THOC5: variants seen among roughly 807,000 people sequenced by gnomAD.
The protein encoded by THOC5 is Fms-interacting protein.
THOC5 carries 43 observed loss-of-function variants against 92.9 expected under a neutral mutation model. That is an observed-to-expected ratio of 0.46 (90% CI 0.36 to 0.60). THOC5 has a LOEUF of 0.60. Among genes scored for constraint, THOC5 ranks in the 20% least tolerant of loss-of-function variants. The pLI is 0.00. For missense variants in THOC5, 659 were observed against 849.4 expected, an observed-to-expected ratio of 0.78 and a Z score of 2.79; for synonymous variants, 296 against 320.1, an observed-to-expected ratio of 0.92 and a Z score of 0.80.
chr22:29,523,804 AT>A (rs766405569), intron 12 of THOC5, among the ~76,000 whole-genome samples: 26 of 152,360 alleles, frequency 1.7e-4, no homozygotes, highest in Admixed American at 2.6e-4. Flanking sequence ...CCCCCAAAAA[AT>A]ATATGAAAAA....
intron 8 of THOC5, 162 bp downstream of exon 8, chr22:29,531,669 G>C: frequency 1.4e-6 from 2 of 1,428,664 alleles, no homozygotes; most frequent in South Asian, 1.7e-5. Flanking sequence ...CAGCTGGTCA[G>C]AGCAGCCATG....
intron 12 of THOC5, among the ~76,000 whole-genome samples, chr22:29,521,640 G>C (rs969304234): frequency 4.6e-5 from 7 of 152,188 alleles, no homozygotes; most frequent in Admixed American, 2.0e-4. Context: ...CCCCCTGTAT[G>C]TTCCCAGAAA....
chr22:29,524,721 A>G (rs2063509458), intron 12 of THOC5, among the ~76,000 whole-genome samples: 2 of 152,190 alleles, frequency 1.3e-5, no homozygotes, highest in South Asian at 4.1e-4. Context: ...CAGGCACAGC[A>G]GCCAAAGCTG....
chr22:29,544,509 C>T lies in THOC5; in HGVS notation c.191G>A (p.Arg64Lys), dbSNP rs749843086. 1.9e-6 allele frequency: 3 copies of T among 1,614,096 alleles called. No homozygotes were observed. The highest frequency in any genetic ancestry group is 1.1e-5 in the South Asian group (1 of 91,066). Residue 64 changes from arginine to lysine, a missense_variant, in exon 3 of 20, where the codon AGG (arginine) becomes AAG (lysine). Arg to Lys is a conservative substitution (Grantham distance 26, BLOSUM62 2). Coordinates refer to ENST00000490103, the MANE Select transcript of THOC5 (RefSeq NM_003678.5). The stretch of plus-strand genomic sequence containing the variant: ...CAGGTCTTGGATCTCAGCCATCAGC[C>T]TCTGTAGCTCCTGGCAGGTGTACTT... ...LYKYTCQELQ[R>K]LMAEIQDLKS...
intron 6 of THOC5, among the ~76,000 whole-genome samples, chr22:29,538,567 G>A (rs1038324630): frequency 6.6e-6 from 1 of 151,998 alleles, no homozygotes; most frequent in Non-Finnish European, 1.5e-5. Context: ...GGAGGCCAAG[G>A]TGGGAGGATC....
Position 29,543,432 on chromosome 22 carries a change from G to A in THOC5, c.351C>T (p.His117=), listed in dbSNP as rs150044669. 41 of 1,609,862 alleles carry A rather than the reference G, an allele frequency of 2.5e-5. No individual in the cohort carries two copies. Among genetic ancestry groups the A allele is most frequent in the Admixed American group, 6.7e-5 (4 of 59,844 alleles). Residue 117 remains histidine (H), a synonymous_variant, in exon 4 of 20, where the codon CAC becomes CAT. Transcript: ENST00000490103. ...IRLKKGRDQT[H]EAKQKVDAYH... ...AATTAAACCTTTTAACTACTACCTC[G>A]TGGGTCTGATCTCTTCCTTTCTTCA...
intron 6 of THOC5, 55 bp downstream of exon 6, chr22:29,539,275 C>G: frequency 6.3e-7 from 1 of 1,578,260 alleles, no homozygotes; most frequent in African/African-American, 1.4e-5. Context: ...TATCCTGGGT[C>G]ATGACAAAGC....
intron 2 of THOC5, among the ~76,000 whole-genome samples, chr22:29,548,022 A>G (rs2064061148): frequency 6.6e-6 from 1 of 152,142 alleles, no homozygotes; most frequent in African/African-American, 2.4e-5. Context: ...AGGAAGCAAA[A>G]GCAGAAACCC....
intron 17 of THOC5, among the ~76,000 whole-genome samples, chr22:29,513,665 C>T (rs1338908587): frequency 2.0e-5 from 3 of 151,242 alleles, no homozygotes; most frequent in African/African-American, 4.9e-5. Flanking sequence ...CTCCAGCCTA[C>T]GCAACAAAGC....
chr22:29,531,192 G>A, intron 8 of THOC5: 1 of 1,064,736 alleles, frequency 9.4e-7, no homozygotes, highest in Non-Finnish European at 1.2e-6. Flanking sequence ...ACAGTAATGT[G>A]TTGGTGCCCA....
Position 29,549,175 on chromosome 22 carries a change from G to A in THOC5, c.-11-17C>T, listed in dbSNP as rs1387696421. ...TTGTTCCTCCTGTTAAGAGGAGAAAGTTTTTGAGATTCTTCTGGAGTCATA... is the reference window on the plus strand; with the variant it reads ...TTGTTCCTCCTGTTAAGAGGAGAAAATTTTTGAGATTCTTCTGGAGTCATA... On this transcript the variant is annotated splice_polypyrimidine_tract_variant and intron_variant, in intron 1 of 19. Transcript: ENST00000490103. 1 of 1,609,888 alleles carries A rather than the reference G, an allele frequency of 6.2e-7. No individual in the cohort carries two copies. Among genetic ancestry groups the A allele is most frequent in the Admixed American group, 1.7e-5 (1 of 59,964 alleles).
chr22:29,528,451 G>C lies in THOC5; in HGVS notation c.941C>G (p.Ser314Ter). The C allele has an allele frequency of 6.2e-7, 1 of 1,613,486 alleles. No homozygotes were observed. The highest frequency in any genetic ancestry group is 8.5e-7 in the Non-Finnish European group (1 of 1,180,020). ...CGTAGTCTGCTCCTCCTCGGCATCT[G>C]AGTCACTCTCGTCATCTGCAGCCAC... ...PEDSQDDESDSDAEEEQTTKR... is the reference protein window; with the variant it reads ...PEDSQDDESD The change falls in exon 10 of 20, where the codon TCA becomes TGA. Residue 314 changes from serine (S) to a stop codon, truncating the protein, a stop_gained. Transcript: ENST00000490103. LOFTEE classifies it high-confidence loss of function.
Position 29,544,619 on chromosome 22 carries a change from T to C in THOC5, c.97-16A>G. The stretch of plus-strand genomic sequence containing the variant: ...ATTTACCTTCCTGTAGAGGTAAGGA[T>C]AAAGGCTCTGTGTGCATGGGGTAAA... On this transcript the variant is annotated splice_polypyrimidine_tract_variant and intron_variant, in intron 2 of 19. Transcript: ENST00000490103. 1 of 1,590,868 alleles carries C rather than the reference T, an allele frequency of 6.3e-7. No homozygotes were observed. The highest frequency in any genetic ancestry group is 1.3e-5 in the African/African-American group (1 of 74,098).
chr22:29,528,075 G>T lies in THOC5; in HGVS notation c.1066+3C>A, dbSNP rs768791071. 1.2e-5 allele frequency: 20 copies of T among 1,613,750 alleles called. No homozygotes were observed. The highest frequency in any genetic ancestry group is 1.4e-5 in the Non-Finnish European group (16 of 1,179,710). On this transcript the variant is annotated splice_donor_region_variant and intron_variant, in intron 11 of 19. Transcript: ENST00000490103. ...CCCTTAAACAAGGTGAGTGCAACCA[G>T]ACCTTTGCACTTCAGGTCGAGCATG... is the stretch of plus-strand genomic sequence containing the variant.
intron 19 of THOC5, 70 bp downstream of exon 19, chr22:29,511,036 A>G (rs2063211836): frequency 7.2e-6 from 11 of 1,521,132 alleles, no homozygotes; most frequent in Non-Finnish European, 9.8e-6. Flanking sequence ...AGCTCTCCCC[A>G]GAAAATCTGG....
At chr22:29,539,275 C>A (rs1354257038) in intron 6 of THOC5, 55 bp downstream of exon 6, 3 of 1,578,140 alleles carry the variant, frequency 1.9e-6, no homozygotes, top group African/African-American at 1.4e-5. Flanking sequence ...TATCCTGGGT[C>A]ATGACAAAGC....
In THOC5 at chr22:29,549,043, T is replaced by G. The variant is rs764351414; in HGVS notation, c.96+9A>C. 1.2e-6 allele frequency: 2 copies of G among 1,613,516 alleles called. No homozygotes were observed. Among genetic ancestry groups the G allele is most frequent in the Non-Finnish European group, 1.7e-6 (2 of 1,179,788 alleles). Reference sequence around the variant, plus strand: ...TTCTCAGCAGCATGGCAACCCTGACTGATCTCACCTGCTCGGTGTCAGATC... The same window carrying G: ...TTCTCAGCAGCATGGCAACCCTGACGGATCTCACCTGCTCGGTGTCAGATC... On this transcript the variant is annotated intron_variant, in intron 2 of 19. Coordinates refer to ENST00000490103, the MANE Select transcript of THOC5 (RefSeq NM_003678.5).
At position 29,519,116 on chromosome 22, in the gene THOC5, G is replaced by C. The variant is rs368730206; in HGVS notation, c.1379C>G (p.Thr460Arg). ...LHFPKEQPQQ[T>R]VIADHSLSAS... ...GCTCAGCGAGTGGTCAGCAATCACT[G>C]TTTGCTGTGAGTGACAATGAGACAC... Residue 460 changes from threonine (T) to arginine (R), a missense_variant, in exon 15 of 20, where the codon ACA (threonine) becomes AGA (arginine). Coordinates refer to ENST00000490103, the MANE Select transcript of THOC5 (RefSeq NM_003678.5). The C allele has an allele frequency of 5.5e-5, 88 of 1,606,740 alleles. No homozygotes were observed. The highest frequency in any genetic ancestry group is 7.1e-5 in the Non-Finnish European group (83 of 1,176,046).
intron 2 of THOC5, among the ~76,000 whole-genome samples, chr22:29,548,045 T>A (rs1173088009): frequency 1.3e-5 from 2 of 152,066 alleles, no homozygotes. Flanking sequence ...GATGAGCGCA[T>A]CAGATCTCAT....
Sources: gnomAD v4.1 joint callset for allele counts (sites outside exome capture counted in the v4.1 genomes callset) on GRCh38, gnomAD v4.1.1 for gene constraint, MANE v1.5 for transcripts, NCBI Gene and HGNC (gene_info 2026-07-23, HGNC 2026-07-21) for gene names.